Variants in RNF13 observed in about 807,000 individuals in gnomAD.
RNF13 encodes ring finger protein 13.
Under a neutral mutation model 37.7 loss-of-function variants are expected in RNF13, and 19 were observed. That is an observed-to-expected ratio of 0.50 (90% CI 0.35 to 0.74). The LOEUF is 0.74. RNF13 is among the 30% of genes least tolerant of loss of function. RNF13 has a pLI of 0.01. For missense variants in RNF13, 375 were observed against 453.0 expected, an observed-to-expected ratio of 0.83 and a Z score of 1.56; for synonymous variants, 144 against 157.8, an observed-to-expected ratio of 0.91 and a Z score of 0.65.
chr3:149,872,584 C>T (rs1272472015), intron 4 of RNF13, among the ~76,000 whole-genome samples: 2 of 152,188 alleles, frequency 1.3e-5, no homozygotes, highest in African/African-American at 4.8e-5. Context: ...GTTTACCCAC[C>T]TCCGTCACCA....
intron 4 of RNF13, among the ~76,000 whole-genome samples, chr3:149,877,840 C>T (rs1327819172): frequency 6.6e-6 from 1 of 152,006 alleles, no homozygotes; most frequent in Non-Finnish European, 1.5e-5. Flanking sequence ...CAGTTCTATC[C>T]ATATATAGTT....
chr3:149,838,913 C>T (rs1276418310), intron 1 of RNF13, among the ~76,000 whole-genome samples: 1 of 127,516 alleles, frequency 7.8e-6, no homozygotes, highest in East Asian at 2.3e-4. Context: ...AACATAAGTT[C>T]CAATTCCAAA....
In RNF13 at chr3:149,828,106, T is replaced by C. The variant is rs74374147; in HGVS notation, c.-17+14753T>C. On this transcript the variant is annotated intron_variant, in intron 1 of 9. Coordinates refer to ENST00000392894, the MANE Select transcript of RNF13 (RefSeq NM_183381.3). ...GACTTCTCAGCTTTTTGTTCAGAAA[T>C]TGCAAAAATTAAAGGAGTAATTAGG... Among the ~76,000 whole-genome samples the C allele has an allele frequency of 4.3e-3, 647 of 152,110 alleles. 3 individuals are homozygous for C. Among genetic ancestry groups the C allele is most frequent in the African/African-American group, 0.014 (580 of 41,418 alleles).
chr3:149,885,202 A>G (rs1713884989), intron 4 of RNF13, among the ~76,000 whole-genome samples: 1 of 152,044 alleles, frequency 6.6e-6, no homozygotes, highest in African/African-American at 2.4e-5. Context: ...GAGCTTGGGT[A>G]TCTCTTTCAT....
Position 149,858,321 on chromosome 3 carries a change from C to T in RNF13, c.195+5725C>T, listed in dbSNP as rs532324518. On this transcript the variant is annotated intron_variant, in intron 3 of 9. Coordinates refer to ENST00000392894, the MANE Select transcript of RNF13 (RefSeq NM_183381.3). ...GATTTGTAATGGTAGCAAGCAAGGT[C>T]TCTTGCTATACTTTTTATTATCAGT... Among the ~76,000 whole-genome samples, 10 of 152,172 alleles carry T rather than the reference C, an allele frequency of 6.6e-5. 1 individual carries two copies. The highest frequency in any genetic ancestry group is 6.5e-4 in the Admixed American group (10 of 15,280).
chr3:149,829,123 A>G (rs764319714), intron 1 of RNF13, among the ~76,000 whole-genome samples: 2 of 152,126 alleles, frequency 1.3e-5, no homozygotes, highest in Non-Finnish European at 2.9e-5. Context: ...TCTTTTTGAG[A>G]TGGAGTCTTG....
chr3:149,924,444 G>A (rs555565869), intron 8 of RNF13, among the ~76,000 whole-genome samples: 174 of 152,262 alleles, frequency 1.1e-3, no homozygotes, highest in African/African-American at 4.0e-3. Context: ...AGTAGAAGAG[G>A]AATCAGAAGT....
chr3:149,899,411 T>G (rs1212652360), intron 5 of RNF13, among the ~76,000 whole-genome samples: 1 of 152,172 alleles, frequency 6.6e-6, no homozygotes, highest in Non-Finnish European at 1.5e-5. Flanking sequence ...ATCGTGCCAC[T>G]GCACTCCAGC....
rs144689747 is a variant in RNF13 at position 149,884,753 on chromosome 3, C to T, written c.322-10720C>T. ...GAGCATTTATCCTTTGTGTTACATA[C>T]AATTCAGTTTTACTTTTTAGTTCCT... On this transcript the variant is annotated intron_variant, in intron 4 of 9. Transcript: ENST00000392894. 1.3e-3 allele frequency among the ~76,000 whole-genome samples: 204 copies of T among 152,086 alleles called. 8 individuals are homozygous for T. In the East Asian group the frequency reaches 0.036, roughly 27 times the overall value.
At position 149,961,160 on chromosome 3, in the gene RNF13, T is replaced by C; in HGVS notation, c.*56T>C. The C allele has an allele frequency of 6.9e-7, 1 of 1,454,468 alleles. No individual in the cohort carries two copies. The highest frequency in any genetic ancestry group is 1.4e-5 in the South Asian group (1 of 73,984). 90.1% of individuals were successfully genotyped at this position (1,454,468 alleles called of 1,614,324 possible). ...TAAAATGATTAGGTATATACTGTAATTTGATTTTTTGCTCCCTTCAAAGAT... is the reference window on the plus strand; with the variant it reads ...TAAAATGATTAGGTATATACTGTAACTTGATTTTTTGCTCCCTTCAAAGAT... On this transcript the variant is annotated 3_prime_UTR_variant, in exon 10 of 10. Transcript: ENST00000392894.
chr3:149,928,412 C>T (rs993850683), intron 8 of RNF13, among the ~76,000 whole-genome samples: 16 of 152,194 alleles, frequency 1.1e-4, no homozygotes, highest in African/African-American at 2.9e-4. Flanking sequence ...TATCTCAGCA[C>T]CATTTGTTGA....
chr3:149,854,078 C>T (rs935618230), intron 3 of RNF13, among the ~76,000 whole-genome samples: 2 of 151,890 alleles, frequency 1.3e-5, no homozygotes, highest in African/African-American at 4.8e-5. Context: ...TCAAGTGATC[C>T]GCCCACCTTA....
intron 1 of RNF13, among the ~76,000 whole-genome samples, chr3:149,818,523 A>G (rs1313138521): frequency 6.6e-6 from 1 of 152,178 alleles, no homozygotes; most frequent in Non-Finnish European, 1.5e-5. Context: ...TACAGGGAGA[A>G]GGTGTTAAGG....
At chr3:149,925,625 C>CT (rs543163468) in intron 8 of RNF13, among the ~76,000 whole-genome samples, 12 of 150,346 alleles carry the variant, frequency 8.0e-5, no homozygotes, top group Non-Finnish European at 1.3e-4. Context: ...AATTGACATT[C>CT]TTTTTTTTTC....
At chr3:149,936,230 CTGTT>C (rs1719662750) in intron 8 of RNF13, among the ~76,000 whole-genome samples, 1 of 151,884 alleles carries the variant, frequency 6.6e-6, no homozygotes, top group African/African-American at 2.4e-5. Context: ...GGAGTTTAAT[CTGTT>C]TGGTAATCTT....
chr3:149,899,409 A>G (rs1715592182), intron 5 of RNF13, among the ~76,000 whole-genome samples: 1 of 152,240 alleles, frequency 6.6e-6, no homozygotes, highest in African/African-American at 2.4e-5. Flanking sequence ...AGATCGTGCC[A>G]CTGCACTCCA....
chr3:149,959,909 A>G (rs1722214678), intron 8 of RNF13, 147 bp from the exon 9 acceptor site: 3 of 527,180 alleles, frequency 5.7e-6, no homozygotes, highest in Admixed American at 3.3e-5. Flanking sequence ...TTGAAACTTC[A>G]GGTCCTAGGA....
intron 4 of RNF13, among the ~76,000 whole-genome samples, chr3:149,873,078 G>C (rs2108444122): frequency 6.6e-6 from 1 of 152,254 alleles, no homozygotes; most frequent in East Asian, 1.9e-4. Flanking sequence ...AGTTGTTTAT[G>C]ATAGTTTAAA....
intron 8 of RNF13, among the ~76,000 whole-genome samples, chr3:149,925,610 C>T (rs1418237447): frequency 6.6e-6 from 1 of 151,954 alleles, no homozygotes; most frequent in Non-Finnish European, 1.5e-5. Context: ...ACCCACTTTA[C>T]TGTTAATTGA....
Sources: gnomAD v4.1 joint callset for allele counts (sites outside exome capture counted in the v4.1 genomes callset) on GRCh38, gnomAD v4.1.1 for gene constraint, MANE v1.5 for transcripts, NCBI Gene and HGNC (gene_info 2026-07-23, HGNC 2026-07-21) for gene names.